CDH13: variants seen among roughly 807,000 people sequenced by gnomAD.
CDH13 encodes cadherin 13.
A neutral mutation model predicts 63.8 loss-of-function variants in CDH13; 24 were observed. The observed-to-expected ratio is 0.38, with a 90% CI of 0.27 to 0.53. The LOEUF is 0.53. CDH13 is among the 20% of genes least tolerant of loss of function. The pLI, the probability that CDH13 is intolerant of heterozygous loss-of-function variation, is 0.85. For synonymous variants in CDH13, 503 were observed against 355.3 expected (o/e 1.42, Z -4.67); for missense variants, 1,049 against 903.1 (o/e 1.16, Z -2.07).
intron 7 of CDH13, among the ~76,000 whole-genome samples, chr16:83,571,866 A>C (rs908531516): frequency 1.3e-5 from 2 of 152,136 alleles, no homozygotes; most frequent in Admixed American, 1.3e-4. Context: ...CTGGCTCCTC[A>C]CATGAAACGT....
At position 83,553,144 on chromosome 16, in the gene CDH13, C is replaced by T. The variant is rs969312441; in HGVS notation, c.961-49310C>T. 2.0e-5 allele frequency among the ~76,000 whole-genome samples: 3 copies of T among 151,796 alleles called. No homozygotes were observed. The East Asian group carries it at 5.8e-4, about 29-fold the overall frequency. ...TTTGCTTAGGAAGCATTTATTACAG[C>T]TGTTCAATGTAGCATTTTACGGTAT... On this transcript the variant is annotated intron_variant, in intron 7 of 13. Transcript: ENST00000567109.
At chr16:82,898,969 A>T (rs938293210) in intron 2 of CDH13, among the ~76,000 whole-genome samples, 2 of 152,244 alleles carry the variant, frequency 1.3e-5, no homozygotes, top group Non-Finnish European at 2.9e-5. Flanking sequence ...TGGATGAGGC[A>T]GCTCTCTGCA....
At chr16:82,855,651 C>G (rs774858825) in intron 1 of CDH13, among the ~76,000 whole-genome samples, 1 of 152,208 alleles carries the variant, frequency 6.6e-6, no homozygotes, top group Non-Finnish European at 1.5e-5. Flanking sequence ...CTAACCAGAG[C>G]CTGCTCTCAA....
intron 3 of CDH13, among the ~76,000 whole-genome samples, chr16:83,034,166 G>C (rs550668522): frequency 1.3e-5 from 2 of 152,212 alleles, no homozygotes; most frequent in East Asian, 3.9e-4. Context: ...CCACCCTACT[G>C]TCACCGTGCT....
At chr16:83,263,200 G>C (rs900031978) in intron 5 of CDH13, among the ~76,000 whole-genome samples, 4 of 152,214 alleles carry the variant, frequency 2.6e-5, no homozygotes, top group Admixed American at 2.0e-4. Flanking sequence ...AGTGATACAG[G>C]TGTTTTCATA....
intron 2 of CDH13, among the ~76,000 whole-genome samples, chr16:82,906,488 G>A (rs959051535): frequency 5.3e-5 from 8 of 152,136 alleles, no homozygotes; most frequent in African/African-American, 1.4e-4. Flanking sequence ...AACCACAAAA[G>A]GATATTTCCT....
intron 3 of CDH13, among the ~76,000 whole-genome samples, chr16:83,109,428 A>T (rs2034954090): frequency 6.6e-6 from 1 of 152,116 alleles, no homozygotes; most frequent in African/African-American, 2.4e-5. Flanking sequence ...TAAGTTTAGG[A>T]TATGTTGAGT....
At chr16:82,861,609 C>A (rs1245070626) in intron 2 of CDH13, among the ~76,000 whole-genome samples, 1 of 152,170 alleles carries the variant, frequency 6.6e-6, no homozygotes, top group African/African-American at 2.4e-5. Flanking sequence ...TCTTTTTCTA[C>A]TTTAACTGTT....
intron 2 of CDH13, among the ~76,000 whole-genome samples, chr16:82,875,178 T>C (rs1043138990): frequency 1.3e-5 from 2 of 152,206 alleles, no homozygotes; most frequent in Admixed American, 6.5e-5. Flanking sequence ...ATGACAAAAG[T>C]TGCCTGCTTT....
At chr16:82,636,882 G>A (rs1331162684) in intron 1 of CDH13, among the ~76,000 whole-genome samples, 1 of 152,126 alleles carries the variant, frequency 6.6e-6, no homozygotes, top group Non-Finnish European at 1.5e-5. Context: ...TTAACAAGGG[G>A]CTCTTGCTAC....
intron 2 of CDH13, among the ~76,000 whole-genome samples, chr16:82,947,033 T>C (rs2151317473): frequency 6.6e-6 from 1 of 151,400 alleles, no homozygotes; most frequent in Admixed American, 6.6e-5. Context: ...TGTGTGTGTG[T>C]GTGTGTGTGT....
At chr16:83,288,344 G>A (rs879926906) in intron 5 of CDH13, among the ~76,000 whole-genome samples, 1 of 152,178 alleles carries the variant, frequency 6.6e-6, no homozygotes, top group Non-Finnish European at 1.5e-5. Context: ...TAATGGAAGA[G>A]CAAAGAGGTT....
At chr16:82,690,711 T>C (rs914073978) in intron 1 of CDH13, among the ~76,000 whole-genome samples, 1 of 152,204 alleles carries the variant, frequency 6.6e-6, no homozygotes, top group Admixed American at 6.5e-5. Flanking sequence ...CCGTTGTTCA[T>C]GAATAAAAGA....
At chr16:83,429,070 C>T (rs903264192) in intron 6 of CDH13, among the ~76,000 whole-genome samples, 5 of 152,178 alleles carry the variant, frequency 3.3e-5, no homozygotes, top group Admixed American at 6.5e-5. Context: ...AGAGGAAAGC[C>T]TTATCCTTTG....
intron 6 of CDH13, among the ~76,000 whole-genome samples, chr16:83,471,324 G>C (rs140089990): frequency 1.3e-3 from 184 of 139,082 alleles, no homozygotes; most frequent in Non-Finnish European, 2.4e-3. Context: ...ACCCAGGCTG[G>C]AGTGCAGTGG....
chr16:83,274,716 A>G (rs1356614045), intron 5 of CDH13, among the ~76,000 whole-genome samples: 2 of 151,208 alleles, frequency 1.3e-5, no homozygotes, highest in African/African-American at 4.9e-5. Context: ...GTTCTCAAAC[A>G]CCTGGTGGCA....
intron 6 of CDH13, among the ~76,000 whole-genome samples, chr16:83,364,191 C>G (rs1469509182): frequency 6.6e-6 from 1 of 152,146 alleles, no homozygotes; most frequent in African/African-American, 2.4e-5. Flanking sequence ...AATTGACTAT[C>G]TGGGATCCTT....
chr16:82,769,513 C>T (rs888900314), intron 1 of CDH13, among the ~76,000 whole-genome samples: 1 of 152,130 alleles, frequency 6.6e-6, no homozygotes, highest in African/African-American at 2.4e-5. Context: ...CACGTTGAAC[C>T]TCTAATTCTG....
chr16:83,683,584 C>T (rs1598472998), intron 10 of CDH13, among the ~76,000 whole-genome samples: 1 of 152,160 alleles, frequency 6.6e-6, no homozygotes, highest in Admixed American at 6.5e-5. Context: ...GCTATTATTC[C>T]ATTACAGGGA....
Sources: gnomAD v4.1 joint callset for allele counts (sites outside exome capture counted in the v4.1 genomes callset) on GRCh38, gnomAD v4.1.1 for gene constraint, MANE v1.5 for transcripts, NCBI Gene and HGNC (gene_info 2026-07-23, HGNC 2026-07-21) for gene names.